FRMD4A: variants seen among roughly 807,000 people sequenced by gnomAD.
FRMD4A encodes FERM domain-containing protein 4A.
In FRMD4A, 29 loss-of-function variants were observed where a neutral mutation model predicts 129.1. The observed-to-expected ratio is 0.22, with a 90% CI of 0.17 to 0.31. The LOEUF (loss-of-function observed/expected upper bound fraction) is 0.31, where lower values mean the gene tolerates loss of function less well. Ranked by LOEUF, FRMD4A falls within the 10% of genes least tolerant of loss-of-function variation. FRMD4A has a pLI of 1.00. For missense variants in FRMD4A, 1,272 were observed against 1,375.8 expected, an observed-to-expected ratio of 0.92 and a Z score of 1.19; for synonymous variants, 634 against 571.6, an observed-to-expected ratio of 1.11 and a Z score of -1.56.
At chr10:14,258,891 G>GA (rs1307854426) in intron 2 of FRMD4A, among the ~76,000 whole-genome samples, 1 of 152,048 alleles carries the variant, frequency 6.6e-6, no homozygotes, top group Non-Finnish European at 1.5e-5. Context: ...CTGAATGAAA[G>GA]AAGTCAGCAA....
At chr10:14,230,654 G>C (rs1843608243) in intron 2 of FRMD4A, among the ~76,000 whole-genome samples, 3 of 152,094 alleles carry the variant, frequency 2.0e-5, no homozygotes, top group Non-Finnish European at 4.4e-5. Flanking sequence ...TGTAGGTTCA[G>C]GAGATACTTT....
chr10:14,155,681 A>G (rs1840561241), intron 2 of FRMD4A, among the ~76,000 whole-genome samples: 1 of 152,206 alleles, frequency 6.6e-6, no homozygotes, highest in Non-Finnish European at 1.5e-5. Context: ...GCTCTGAGAT[A>G]TTGGGATAAT....
chr10:13,930,276 C>T (rs781476525), intron 2 of FRMD4A, among the ~76,000 whole-genome samples: 3 of 152,194 alleles, frequency 2.0e-5, no homozygotes, highest in Admixed American at 6.5e-5. Context: ...TCATCAAAGG[C>T]GTTCACTGCA....
At chr10:13,939,315 G>A (rs544379717) in intron 2 of FRMD4A, among the ~76,000 whole-genome samples, 81 of 152,246 alleles carry the variant, frequency 5.3e-4, no homozygotes, top group African/African-American at 1.9e-3. Context: ...TTATTTTATG[G>A]TGAGATTACC....
chr10:14,287,850 C>A (rs1845730249), intron 2 of FRMD4A, among the ~76,000 whole-genome samples: 1 of 151,988 alleles, frequency 6.6e-6, no homozygotes, highest in South Asian at 2.1e-4. Context: ...ATGACAAGTG[C>A]CAGTTTTGAG....
chr10:14,094,289 C>T (rs914321395), intron 2 of FRMD4A, among the ~76,000 whole-genome samples: 25 of 152,298 alleles, frequency 1.6e-4, no homozygotes, highest in Non-Finnish European at 2.6e-4. Flanking sequence ...AGAAAGGGTG[C>T]GTGGAATGAT....
chr10:13,926,834 C>T (rs1485356948), intron 2 of FRMD4A, among the ~76,000 whole-genome samples: 2 of 152,216 alleles, frequency 1.3e-5, no homozygotes, highest in Non-Finnish European at 2.9e-5. Flanking sequence ...AAATAAATTC[C>T]ACTGAGGGTC....
intron 2 of FRMD4A, among the ~76,000 whole-genome samples, chr10:14,100,087 G>C (rs1402983382): frequency 1.3e-5 from 2 of 152,190 alleles, no homozygotes; most frequent in African/African-American, 4.8e-5. Context: ...TCCTTGTTTT[G>C]CAGTCAGCTC....
intron 6 of FRMD4A, among the ~76,000 whole-genome samples, chr10:13,780,849 A>T (rs2092715062): frequency 6.6e-6 from 1 of 152,226 alleles, no homozygotes; most frequent in African/African-American, 2.4e-5. Flanking sequence ...TATACCCTGA[A>T]CAACTGGGAA....
chr10:14,077,617 G>A (rs748389837), intron 2 of FRMD4A, among the ~76,000 whole-genome samples: 6 of 152,260 alleles, frequency 3.9e-5, no homozygotes, highest in African/African-American at 1.4e-4. Context: ...GAGGTCACTC[G>A]TGTCAATGCT....
intron 3 of FRMD4A, among the ~76,000 whole-genome samples, chr10:13,827,866 G>GA (rs2093726986): frequency 6.6e-6 from 1 of 152,200 alleles, no homozygotes; most frequent in Non-Finnish European, 1.5e-5. Flanking sequence ...CTGCTTCGGG[G>GA]AGCCCTGCTC....
intron 3 of FRMD4A, among the ~76,000 whole-genome samples, chr10:13,835,903 G>A (rs1402620471): frequency 1.3e-5 from 2 of 152,164 alleles, no homozygotes; most frequent in African/African-American, 4.8e-5. Flanking sequence ...TGCCAAAAAG[G>A]TTGGGGACCA....
chr10:13,820,271 GA>G (rs1468019791), intron 3 of FRMD4A, among the ~76,000 whole-genome samples: 3 of 152,314 alleles, frequency 2.0e-5, no homozygotes, highest in South Asian at 4.1e-4. Context: ...AAACCCCGAA[GA>G]CCTCGTTTCC....
At chr10:14,270,586 T>A (rs1180151884) in intron 2 of FRMD4A, among the ~76,000 whole-genome samples, 1 of 152,192 alleles carries the variant, frequency 6.6e-6, no homozygotes, top group Non-Finnish European at 1.5e-5. Flanking sequence ...TAAGAATCCA[T>A]TATTGCTATT....
chr10:13,797,935 C>A (rs887503474), intron 4 of FRMD4A, among the ~76,000 whole-genome samples: 7 of 151,368 alleles, frequency 4.6e-5, no homozygotes, highest in African/African-American at 1.2e-4. Context: ...AAAAAAAAAT[C>A]CCCCTCCACA....
At chr10:14,005,402 A>G (rs1488861364) in intron 2 of FRMD4A, among the ~76,000 whole-genome samples, 9 of 152,186 alleles carry the variant, frequency 5.9e-5, no homozygotes, top group Non-Finnish European at 1.0e-4. Context: ...ATGAACCAGA[A>G]CTAAGCCTGG....
At chr10:13,664,435 G>A (rs1051012295) in intron 18 of FRMD4A, among the ~76,000 whole-genome samples, 2 of 152,120 alleles carry the variant, frequency 1.3e-5, no homozygotes, top group African/African-American at 4.8e-5. Flanking sequence ...AAGGACAACA[G>A]GATGAGATAG....
chr10:14,275,625 T>G (rs1356356409), intron 2 of FRMD4A, among the ~76,000 whole-genome samples: 1 of 152,262 alleles, frequency 6.6e-6, no homozygotes, highest in East Asian at 1.9e-4. Context: ...TTTTTTTCCT[T>G]TTCTTATGTA....
At chr10:14,256,681 T>G (rs1458140460) in intron 2 of FRMD4A, among the ~76,000 whole-genome samples, 4 of 152,162 alleles carry the variant, frequency 2.6e-5, no homozygotes, top group Non-Finnish European at 4.4e-5. Flanking sequence ...ACAAACGGAA[T>G]TTTTGTTAAA....
Sources: allele counts gnomAD v4.1 joint callset (sites outside exome capture counted in the v4.1 genomes callset), GRCh38; gene constraint gnomAD v4.1.1; transcripts MANE v1.5; gene names NCBI Gene and HGNC (gene_info 2026-07-23, HGNC 2026-07-21).